The following SCARA5 variants were observed in gnomAD, a reference collection of about 807,000 sequenced individuals.
SCARA5 encodes the protein scavenger receptor class A, member 5 (putative).
Under a neutral mutation model 46.3 loss-of-function variants are expected in SCARA5, and 45 were observed. The ratio of observed to expected loss-of-function variants is 0.97; its 90% CI spans 0.76 to 1.24. SCARA5 has a LOEUF of 1.24. Among genes scored for constraint, SCARA5 ranks in the 50% most tolerant of loss-of-function variants. The pLI, the probability that SCARA5 is intolerant of heterozygous loss-of-function variation, is 0.00. For missense variants in SCARA5, 680 were observed against 689.0 expected (o/e 0.99, Z 0.15); for synonymous variants, 333 against 306.5 (o/e 1.09, Z -0.90).
At chr8:27,876,037 G>C (rs551342417) in intron 8 of SCARA5, among the ~76,000 whole-genome samples, 2 of 152,242 alleles carry the variant, frequency 1.3e-5, no homozygotes, top group Non-Finnish European at 2.9e-5. Context: ...GCAGCCATGA[G>C]AAGGAAGGCC....
chr8:27,878,408 T>C (rs1391568643), intron 8 of SCARA5, among the ~76,000 whole-genome samples: 1 of 152,156 alleles, frequency 6.6e-6, no homozygotes, highest in Non-Finnish European at 1.5e-5. Context: ...GACCATTGTT[T>C]TAGTTGTGAG....
At chr8:27,919,857 C>CAGAT (rs1807553079) in intron 4 of SCARA5, among the ~76,000 whole-genome samples, 1 of 149,768 alleles carries the variant, frequency 6.7e-6, no homozygotes, top group African/African-American at 2.5e-5. Flanking sequence ...AAAAGATGCC[C>CAGAT]ACATGAGATA....
At chr8:27,876,443 G>C (rs954948096) in intron 8 of SCARA5, among the ~76,000 whole-genome samples, 1 of 152,116 alleles carries the variant, frequency 6.6e-6, no homozygotes, top group Non-Finnish European at 1.5e-5. Context: ...TGCAGGACTC[G>C]GGGACCAACC....
intron 3 of SCARA5, among the ~76,000 whole-genome samples, chr8:27,927,262 G>T (rs1807695000): frequency 6.6e-6 from 1 of 152,162 alleles, no homozygotes; most frequent in Non-Finnish European, 1.5e-5. Context: ...CCTGCTCCCT[G>T]AGCAGGAAAC....
chr8:27,949,835 G>C (rs993650152), intron 3 of SCARA5, among the ~76,000 whole-genome samples: 5 of 152,228 alleles, frequency 3.3e-5, no homozygotes, highest in Admixed American at 1.3e-4. Context: ...CTCCTGAAGA[G>C]GCCCTGCAGG....
At chr8:27,986,300 C>T (rs1377038061) in intron 2 of SCARA5, among the ~76,000 whole-genome samples, 3 of 152,330 alleles carry the variant, frequency 2.0e-5, no homozygotes, top group East Asian at 3.9e-4. Flanking sequence ...AGTCTTCCAG[C>T]CCTTTTCCAG....
intron 7 of SCARA5, among the ~76,000 whole-genome samples, chr8:27,882,057 C>A (rs1806821139): frequency 6.6e-6 from 1 of 152,210 alleles, no homozygotes; most frequent in Non-Finnish European, 1.5e-5. Context: ...TCCTCCCTAC[C>A]CCTGGCAACC....
chr8:27,880,693 T>A (rs917333990), intron 7 of SCARA5, among the ~76,000 whole-genome samples: 1 of 151,400 alleles, frequency 6.6e-6, no homozygotes, highest in African/African-American at 2.4e-5. Flanking sequence ...CTCTACAAAA[T>A]AATAATAATA....
At chr8:27,881,027 T>C (rs190097853) in intron 7 of SCARA5, among the ~76,000 whole-genome samples, 130 of 152,252 alleles carry the variant, frequency 8.5e-4, no homozygotes, top group Non-Finnish European at 1.4e-3. Flanking sequence ...ATGGCTATTA[T>C]TAAAAAGTCA....
intron 3 of SCARA5, among the ~76,000 whole-genome samples, chr8:27,963,995 C>T (rs889157561): frequency 2.0e-5 from 3 of 152,206 alleles, no homozygotes; most frequent in Non-Finnish European, 4.4e-5. Flanking sequence ...AGGGGAAGCC[C>T]TCTCCCATGG....
At chr8:27,964,061 C>T (rs1293121626) in intron 3 of SCARA5, among the ~76,000 whole-genome samples, 1 of 152,192 alleles carries the variant, frequency 6.6e-6, no homozygotes, top group Non-Finnish European at 1.5e-5. Context: ...CTGTGGATCT[C>T]CCCTGACCCC....
At chr8:27,966,343 A>C in intron 3 of SCARA5, 71 bp downstream of exon 3, 1 of 1,466,732 alleles carries the variant, frequency 6.8e-7, no homozygotes, top group East Asian at 2.3e-5. Context: ...TGACAGTGGG[A>C]ATGAAGAGTG....
intron 2 of SCARA5, among the ~76,000 whole-genome samples, chr8:27,979,400 G>A (rs910158781): frequency 2.0e-5 from 3 of 152,266 alleles, no homozygotes; most frequent in South Asian, 2.1e-4. Flanking sequence ...AATAACTCAC[G>A]TAACCCTTGC....
At chr8:27,945,479 G>A (rs1484026772) in intron 3 of SCARA5, among the ~76,000 whole-genome samples, 2 of 152,174 alleles carry the variant, frequency 1.3e-5, no homozygotes, top group African/African-American at 4.8e-5. Flanking sequence ...TTCTGATTCC[G>A]CATTCCTTTA....
At position 27,909,737 on chromosome 8, in the gene SCARA5, G is replaced by A. The variant is rs754297792; in HGVS notation, c.923C>T (p.Pro308Leu). The A allele has an allele frequency of 7.7e-5, 120 of 1,550,760 alleles. No individual in the cohort carries two copies. Among genetic ancestry groups the A allele is most frequent in the Middle Eastern group, 1.7e-4 (1 of 6,010 alleles). ...ATCCCCCTGATCACCTTTGGGTCCC[G>A]GTGGCCCTGGAAAGGCAAAAACAGC... ...LRNISLAKGP[P>L]GPKGDQGDEG... is the part of the protein sequence containing the mutation. The change falls in exon 5 of 9, where the codon CCG becomes CTG. Residue 308 changes from proline to leucine, a missense_variant. Pro to Leu is a moderately conservative substitution (Grantham distance 98). Around this residue, in one of 3 missense-constraint regions of SCARA5, gnomAD observed 219 missense variants for 269.5 expected, o/e 0.81. Coordinates refer to ENST00000354914, the MANE Select transcript of SCARA5 (RefSeq NM_173833.6).
intron 7 of SCARA5, among the ~76,000 whole-genome samples, chr8:27,881,459 CA>C (rs1230551904): frequency 7.3e-6 from 1 of 137,342 alleles, no homozygotes; most frequent in Admixed American, 8.1e-5. Flanking sequence ...AACAGAACAC[CA>C]ATACCTCATA....
chr8:27,901,436 CCT>C (rs1807152499), intron 7 of SCARA5, among the ~76,000 whole-genome samples: 1 of 152,106 alleles, frequency 6.6e-6, no homozygotes, highest in African/African-American at 2.4e-5. Flanking sequence ...CCCCGTAGAT[CCT>C]ACGGTGGGGC....
At chr8:27,872,968 C>A (rs974291557) in intron 8 of SCARA5, among the ~76,000 whole-genome samples, 1 of 152,208 alleles carries the variant, frequency 6.6e-6, no homozygotes, top group Admixed American at 6.5e-5. Flanking sequence ...GTCAACACTG[C>A]GGTGGCGGGG....
intron 3 of SCARA5, among the ~76,000 whole-genome samples, chr8:27,953,196 G>T (rs73568968): frequency 0.18 from 28,048 of 152,130 alleles, 2,855 homozygotes; most frequent in East Asian, 0.42. Flanking sequence ...AAACAAGGAG[G>T]CTCTCAAAAG....
Sources: allele counts gnomAD v4.1 joint callset (sites outside exome capture counted in the v4.1 genomes callset), GRCh38; gene constraint gnomAD v4.1.1; regional missense constraint gnomAD v4.1.1; transcripts MANE v1.5; gene names NCBI Gene and HGNC (gene_info 2026-07-23, HGNC 2026-07-21).